CPNE8: variants seen among roughly 807,000 people sequenced by gnomAD.
CPNE8 encodes copine-8.
CPNE8 carries 45 observed loss-of-function variants against 81.5 expected under a neutral mutation model. The observed-to-expected ratio is 0.55, with a 90% CI of 0.44 to 0.71. The LOEUF is 0.71. CPNE8 is among the 30% of genes least tolerant of loss of function. CPNE8 has a pLI of 0.00. For synonymous variants in CPNE8, 252 were observed against 226.3 expected (o/e 1.11, Z -1.02); for missense variants, 594 against 672.1 (o/e 0.88, Z 1.28).
rs912134348 is a variant in CPNE8 at position 38,711,388 on chromosome 12, T to A, written c.915-8467A>T. The stretch of plus-strand genomic sequence containing the variant: ...AAATGGAGAGCTCTGAAAAAATTTA[T>A]CTGCAGCATAACAAACTGGCAATGA... On this transcript the variant is annotated intron_variant, in intron 13 of 19. Coordinates refer to ENST00000331366, the MANE Select transcript of CPNE8 (RefSeq NM_153634.3). Among the ~76,000 whole-genome samples the A allele has an allele frequency of 5.3e-5, 8 of 152,164 alleles. No individual in the cohort carries two copies. The East Asian group carries it at 1.5e-3, about 29-fold the overall frequency.
intron 10 of CPNE8, among the ~76,000 whole-genome samples, chr12:38,754,700 T>C (rs762291868): frequency 1.6e-4 from 25 of 151,742 alleles, no homozygotes; most frequent in Non-Finnish European, 2.4e-4. Context: ...GGACAAAAAA[T>C]TCACAAGCTA....
intron 5 of CPNE8, among the ~76,000 whole-genome samples, chr12:38,833,977 A>G (rs1044694644): frequency 2.0e-5 from 3 of 152,168 alleles, no homozygotes; most frequent in Non-Finnish European, 2.9e-5. Context: ...TGGGTGCTCA[A>G]GGAAAAGCAA....
intron 3 of CPNE8, among the ~76,000 whole-genome samples, chr12:38,850,470 G>C (rs940883492): frequency 5.9e-5 from 9 of 152,182 alleles, no homozygotes; most frequent in African/African-American, 1.9e-4. Context: ...CAATAGGAGT[G>C]ACTGAGTATA....
In CPNE8 at chr12:38,875,711, A is replaced by T. The variant is rs147053813; in HGVS notation, c.99-1200T>A. On this transcript the variant is annotated intron_variant, in intron 1 of 19. Coordinates refer to ENST00000331366, the MANE Select transcript of CPNE8 (RefSeq NM_153634.3). ...CAAACCAATGCAGCACAAACAATGA[A>T]ATGAGATCATGTCTTGAAATATTCC... Among the ~76,000 whole-genome samples the T allele has an allele frequency of 7.2e-3, 1,095 of 152,328 alleles. 19 individuals are homozygous for T. Among genetic ancestry groups the T allele is most frequent in the African/African-American group, 0.025 (1,043 of 41,570 alleles).
intron 6 of CPNE8, among the ~76,000 whole-genome samples, chr12:38,787,790 G>A (rs1565615374): frequency 6.6e-6 from 1 of 151,414 alleles, no homozygotes; most frequent in African/African-American, 2.4e-5. Flanking sequence ...GAAATTCAAA[G>A]AATCATTAGC....
intron 5 of CPNE8, 72 bp from the exon 6 acceptor site, chr12:38,829,527 A>T (rs1943251714): frequency 2.0e-6 from 2 of 1,006,856 alleles, no homozygotes; most frequent in Admixed American, 3.9e-5. Context: ...TGTACATCAT[A>T]CATCTGCATT....
chr12:38,718,594 G>A lies in CPNE8; in HGVS notation c.914+5178C>T, dbSNP rs377611741. On this transcript the variant is annotated intron_variant, in intron 13 of 19. Transcript: ENST00000331366. ...GGTAAACATCCTGCACAGATTTGGG[G>A]AATATAAATTCTTAGAGTATTTTAG... 1.8e-4 allele frequency among the ~76,000 whole-genome samples: 28 copies of A among 152,208 alleles called. 1 individual carries two copies. The South Asian group carries it at 3.7e-3, about 20-fold the overall frequency.
chr12:38,789,717 A>G (rs558055195), intron 6 of CPNE8, among the ~76,000 whole-genome samples: 31 of 152,088 alleles, frequency 2.0e-4, no homozygotes, highest in Non-Finnish European at 3.8e-4. Flanking sequence ...ATTCATAATC[A>G]GAATACATAA....
chr12:38,655,775 G>T (rs1261798314), intron 19 of CPNE8, among the ~76,000 whole-genome samples: 1 of 152,114 alleles, frequency 6.6e-6, no homozygotes, highest in South Asian at 2.1e-4. Context: ...TCTTTTAAAA[G>T]AAGAGAAGAA....
chr12:38,691,972 C>A (rs1939685410), intron 15 of CPNE8, among the ~76,000 whole-genome samples: 1 of 152,070 alleles, frequency 6.6e-6, no homozygotes, highest in African/African-American at 2.4e-5. Flanking sequence ...CAATATCTAA[C>A]CTATATGTGT....
upstream of CPNE8, chr12:38,905,912 A>T (rs1004599967): frequency 6.1e-6 from 6 of 984,686 alleles, no homozygotes; most frequent in Non-Finnish European, 7.2e-6. Context: ...GCAGACCCCT[A>T]CCGTCCAGGA....
At chr12:38,790,008 A>G (rs2136925875) in intron 6 of CPNE8, among the ~76,000 whole-genome samples, 1 of 151,990 alleles carries the variant, frequency 6.6e-6, no homozygotes, top group African/African-American at 2.4e-5. Context: ...AATGTAAATT[A>G]GTACAATCAC....
At chr12:38,658,532 T>C (rs1938877742) in intron 19 of CPNE8, among the ~76,000 whole-genome samples, 1 of 152,064 alleles carries the variant, frequency 6.6e-6, no homozygotes, top group Admixed American at 6.5e-5. Flanking sequence ...AACATTCAAA[T>C]TCAGGAAATA....
chr12:38,800,503 C>G (rs1168048788), intron 6 of CPNE8, among the ~76,000 whole-genome samples: 1 of 27,016 alleles, frequency 3.7e-5, no homozygotes, highest in East Asian at 6.3e-4. Flanking sequence ...AAAAACCCAT[C>G]TGTACATCAC....
chr12:38,690,300 G>A (rs1415649623), intron 15 of CPNE8, among the ~76,000 whole-genome samples: 4 of 152,136 alleles, frequency 2.6e-5, no homozygotes, highest in African/African-American at 9.7e-5. Context: ...GACTTAGGAT[G>A]AGCTTAACAC....
chr12:38,849,487 C>T (rs1195112825), intron 3 of CPNE8, among the ~76,000 whole-genome samples: 1 of 152,194 alleles, frequency 6.6e-6, no homozygotes, highest in East Asian at 1.9e-4. Flanking sequence ...ATGAAGCATG[C>T]TGTCTTATCA....
rs776832509 is a variant in CPNE8, at chr12:38,874,457, C to T, written c.139+14G>A. 6.3e-7 allele frequency: 1 copy of T among 1,584,794 alleles called. No individual in the cohort carries two copies. The highest frequency in any genetic ancestry group is 8.6e-7 in the Non-Finnish European group (1 of 1,156,244). The stretch of plus-strand genomic sequence containing the variant: ...ATCAAATGATTTTTCAAAAGGCAAG[C>T]AATACATACTTACTTGGATCAGATT... On this transcript the variant is annotated intron_variant, in intron 2 of 19. Coordinates refer to ENST00000331366, the MANE Select transcript of CPNE8 (RefSeq NM_153634.3).
chr12:38,678,702 C>T (rs939486868), intron 16 of CPNE8, among the ~76,000 whole-genome samples: 3 of 151,794 alleles, frequency 2.0e-5, no homozygotes, highest in Non-Finnish European at 2.9e-5. Context: ...ACAACTTTCC[C>T]CATGGACTAT....
chr12:38,707,682 T>C (rs1363970752), intron 13 of CPNE8, among the ~76,000 whole-genome samples: 2 of 152,194 alleles, frequency 1.3e-5, no homozygotes, highest in Non-Finnish European at 2.9e-5. Context: ...ATGACAAGAT[T>C]TGATTAATTC....
Sources: allele counts gnomAD v4.1 joint callset (sites outside exome capture counted in the v4.1 genomes callset), GRCh38; gene constraint gnomAD v4.1.1; transcripts MANE v1.5; gene names NCBI Gene and HGNC (gene_info 2026-07-23, HGNC 2026-07-21).